The following MAGI2 variants were observed in gnomAD, a reference collection of about 807,000 sequenced individuals.
MAGI2 encodes the protein membrane-associated guanylate kinase, WW and PDZ domain-containing protein 2.
Under a neutral mutation model 133.3 loss-of-function variants are expected in MAGI2, and 35 were observed. The ratio of observed to expected loss-of-function variants is 0.26; its 90% CI spans 0.20 to 0.35. The LOEUF (loss-of-function observed/expected upper bound fraction) is 0.35. MAGI2 is among the 10% of genes least tolerant of loss of function. The pLI is 1.00. For synonymous variants in MAGI2, 729 were observed against 710.6 expected (o/e 1.03, Z -0.41); for missense variants, 1,636 against 1,863.4 (o/e 0.88, Z 2.25).
chr7:78,411,353 T>G (rs1425032578), intron 6 of MAGI2, among the ~76,000 whole-genome samples: 1 of 152,026 alleles, frequency 6.6e-6, no homozygotes, highest in Non-Finnish European at 1.5e-5. Context: ...GAACTGAGAT[T>G]TCTTACTTTA....
chr7:79,079,475 C>T (rs547829824), intron 1 of MAGI2, among the ~76,000 whole-genome samples: 99 of 152,232 alleles, frequency 6.5e-4, no homozygotes, highest in African/African-American at 2.2e-3. Context: ...AACATTTAAA[C>T]AAGGCCTTAA....
At chr7:78,678,555 T>C (rs1224954778) in intron 2 of MAGI2, among the ~76,000 whole-genome samples, 5 of 152,182 alleles carry the variant, frequency 3.3e-5, no homozygotes, top group Non-Finnish European at 7.3e-5. Flanking sequence ...GATGATAAGT[T>C]ATATGGTCAT....
Position 78,662,236 on chromosome 7 carries a change from C to A in MAGI2, c.419-34997G>T, listed in dbSNP as rs528872106. On this transcript the variant is annotated intron_variant, in intron 2 of 21. Transcript: ENST00000354212. ...CATGGTGTGCATAGACACATGGTGA[C>A]AGGGCAAGATATTAGCTTTGTTTTC... Among the ~76,000 whole-genome samples, 24 of 152,278 alleles carry A rather than the reference C, an allele frequency of 1.6e-4. 1 individual carries two copies. The South Asian group carries it at 4.8e-3, about 30-fold the overall frequency.
intron 6 of MAGI2, among the ~76,000 whole-genome samples, chr7:78,389,091 G>C (rs1162671002): frequency 1.3e-5 from 2 of 152,124 alleles, no homozygotes; most frequent in African/African-American, 2.4e-5. Flanking sequence ...ATATTTTCCA[G>C]TTGGAAAATA....
At chr7:78,078,780 G>GTGTGTGTA in intron 21 of MAGI2, 167 bp downstream of exon 21, 1 of 670,760 alleles carries the variant, frequency 1.5e-6, no homozygotes, top group South Asian at 1.8e-5. Context: ...ACATACGTGT[G>GTGTGTGTA]TGTGTGTATG....
At chr7:78,536,103 CTTT>C (rs544655465) in intron 3 of MAGI2, among the ~76,000 whole-genome samples, 302 of 59,886 alleles carry the variant, frequency 5.0e-3, no homozygotes, top group Middle Eastern at 0.023. Flanking sequence ...ATGAATTAAA[CTTT>C]TTTTTTTTTT....
intron 6 of MAGI2, among the ~76,000 whole-genome samples, chr7:78,488,080 TATAAAGA>T (rs1469849955): frequency 2.6e-5 from 4 of 152,018 alleles, no homozygotes; most frequent in African/African-American, 4.8e-5. Flanking sequence ...GGTCCGATAA[TATAAAGA>T]ATAGAGTCTA....
chr7:79,291,974 T>C (rs1171256853), intron 1 of MAGI2, among the ~76,000 whole-genome samples: 1 of 152,176 alleles, frequency 6.6e-6, no homozygotes, highest in African/African-American at 2.4e-5. Flanking sequence ...GATTAAGAAA[T>C]TTTTTGTTTG....
chr7:78,049,523 T>C (rs1182384295), intron 21 of MAGI2, among the ~76,000 whole-genome samples: 2 of 152,240 alleles, frequency 1.3e-5, no homozygotes, highest in Non-Finnish European at 2.9e-5. Flanking sequence ...GGCTGAGAGC[T>C]CGGTAGTTAC....
intron 2 of MAGI2, among the ~76,000 whole-genome samples, chr7:78,982,318 A>C (rs1251914959): frequency 6.6e-6 from 1 of 151,934 alleles, no homozygotes; most frequent in African/African-American, 2.4e-5. Flanking sequence ...CAAATTCTTC[A>C]TCTATCTAAG....
At chr7:78,792,059 T>C (rs986374116) in intron 2 of MAGI2, among the ~76,000 whole-genome samples, 1 of 152,190 alleles carries the variant, frequency 6.6e-6, no homozygotes, top group African/African-American at 2.4e-5. Flanking sequence ...TCTTTATATA[T>C]GGTAAAATTA....
intron 3 of MAGI2, among the ~76,000 whole-genome samples, chr7:78,584,014 G>A (rs573143912): frequency 6.6e-6 from 1 of 152,298 alleles, no homozygotes; most frequent in African/African-American, 2.4e-5. Context: ...TCACTAAGCA[G>A]TTTTATAAGA....
chr7:78,110,698 A>G (rs1819272496), intron 20 of MAGI2, among the ~76,000 whole-genome samples: 1 of 152,218 alleles, frequency 6.6e-6, no homozygotes, highest in Admixed American at 6.5e-5. Context: ...CAGGAGTCAG[A>G]TCTTTTCAAC....
intron 1 of MAGI2, among the ~76,000 whole-genome samples, chr7:79,110,525 CA>C (rs1286129094): frequency 6.6e-6 from 1 of 152,232 alleles, no homozygotes; most frequent in Non-Finnish European, 1.5e-5. Context: ...AATGTTTACC[CA>C]ATGCCTGTAC....
chr7:79,011,631 T>C (rs1808102788), intron 1 of MAGI2, among the ~76,000 whole-genome samples: 1 of 152,090 alleles, frequency 6.6e-6, no homozygotes, highest in Non-Finnish European at 1.5e-5. Context: ...AGGGGTTAAA[T>C]AGAGAGGGGA....
intron 2 of MAGI2, among the ~76,000 whole-genome samples, chr7:78,643,997 AAGCTATGCTATGCAATG>A (rs1810575417): frequency 1.3e-5 from 2 of 152,198 alleles, no homozygotes; most frequent in African/African-American, 2.4e-5. Context: ...ATAATTGAAA[AAGCTATGCTATGCAATG>A]AGCAAATGAA....
At chr7:78,584,359 G>C (rs753787626) in intron 3 of MAGI2, among the ~76,000 whole-genome samples, 1 of 139,878 alleles carries the variant, frequency 7.1e-6, no homozygotes, top group Non-Finnish European at 1.5e-5. Flanking sequence ...GGCAGAGGTT[G>C]CAGTGAGCCA....
At chr7:78,082,054 G>A (rs1244590265) in intron 20 of MAGI2, among the ~76,000 whole-genome samples, 1 of 152,156 alleles carries the variant, frequency 6.6e-6, no homozygotes, top group African/African-American at 2.4e-5. Flanking sequence ...ACCCCAAATC[G>A]AATCTTGACA....
intron 1 of MAGI2, among the ~76,000 whole-genome samples, chr7:79,072,534 T>C (rs181685500): frequency 2.4e-4 from 37 of 152,308 alleles, no homozygotes; most frequent in Admixed American, 1.7e-3. Flanking sequence ...ATGTGGTTGA[T>C]GTATGAGAAA....
Sources: gnomAD v4.1 joint callset for allele counts (sites outside exome capture counted in the v4.1 genomes callset) on GRCh38, gnomAD v4.1.1 for gene constraint, MANE v1.5 for transcripts, NCBI Gene and HGNC (gene_info 2026-07-23, HGNC 2026-07-21) for gene names.